Variants in VWF observed in about 807,000 individuals in gnomAD.
The protein encoded by VWF is von Willebrand factor, also known as Factor VIII related antigen.
Under a neutral mutation model 308.6 loss-of-function variants are expected in VWF, and 176 were observed. That is an observed-to-expected ratio of 0.57 (90% CI 0.50 to 0.65). The LOEUF is 0.65. Ranked by LOEUF, VWF falls within the 30% of genes least tolerant of loss-of-function variation. The pLI, the probability that VWF is intolerant of heterozygous loss-of-function variation, is 0.00. For missense variants in VWF, 3,146 were observed against 3,648.2 expected (o/e 0.86, Z 3.55); for synonymous variants, 1,385 against 1,443.4 (o/e 0.96, Z 0.92).
intron 34 of VWF, among the ~76,000 whole-genome samples, chr12:5,996,809 T>TC (rs1169180689): frequency 6.7e-6 from 1 of 149,626 alleles, no homozygotes; most frequent in Non-Finnish European, 1.5e-5. Flanking sequence ...TGACCCTGAG[T>TC]CATTCACATA....
intron 37 of VWF, among the ~76,000 whole-genome samples, chr12:5,992,867 A>T (rs934682162): frequency 6.6e-6 from 1 of 152,246 alleles, no homozygotes; most frequent in African/African-American, 2.4e-5. Context: ...ATGCAGAGAA[A>T]GTGCTTCCAG....
intron 45 of VWF, among the ~76,000 whole-genome samples, chr12:5,968,535 C>T (rs1277789569): frequency 6.6e-6 from 1 of 152,192 alleles, no homozygotes; most frequent in Non-Finnish European, 1.5e-5. Flanking sequence ...GTGGCTCATG[C>T]CTGTAATCCC....
At chr12:6,107,394 T>C (rs1446890679) in intron 5 of VWF, among the ~76,000 whole-genome samples, 1 of 152,204 alleles carries the variant, frequency 6.6e-6, no homozygotes, top group African/African-American at 2.4e-5. Flanking sequence ...AAAGGGTGAA[T>C]TTTACTGTCT....
chr12:5,981,157 T>C lies in VWF; in HGVS notation c.7287+629A>G, dbSNP rs577217362. On this transcript the variant is annotated intron_variant, in intron 42 of 51. Coordinates refer to ENST00000261405, the MANE Select transcript of VWF (RefSeq NM_000552.5). ...GAACATAGTAGTTGCTTAGTAAATATTGGATGGGCAGATGGATGGATGAAT... is the reference window on the plus strand; with the variant it reads ...GAACATAGTAGTTGCTTAGTAAATACTGGATGGGCAGATGGATGGATGAAT... Among the ~76,000 whole-genome samples the C allele has an allele frequency of 4.6e-5, 7 of 152,312 alleles. No homozygotes were observed. The East Asian group carries it at 9.6e-4, about 21-fold the overall frequency.
intron 10 of VWF, among the ~76,000 whole-genome samples, chr12:6,068,974 A>G (rs1297427010): frequency 6.6e-6 from 1 of 151,356 alleles, no homozygotes; most frequent in African/African-American, 2.4e-5. Context: ...CCCCCATCTC[A>G]GCCTCCCAAG....
At chr12:5,957,521 T>C (rs548315559) in intron 47 of VWF, among the ~76,000 whole-genome samples, 29 of 151,954 alleles carry the variant, frequency 1.9e-4, no homozygotes, top group African/African-American at 6.8e-4. Context: ...AAGCATCCAA[T>C]AGAAGGGGGG....
At chr12:6,115,144 C>A (rs1475039162) in intron 3 of VWF, among the ~76,000 whole-genome samples, 1 of 152,174 alleles carries the variant, frequency 6.6e-6, no homozygotes, top group Non-Finnish European at 1.5e-5. Flanking sequence ...TCAAGCAATC[C>A]TATTGTCACA....
chr12:6,062,594 G>A (rs895086174), intron 13 of VWF, among the ~76,000 whole-genome samples: 7 of 152,042 alleles, frequency 4.6e-5, no homozygotes, highest in Admixed American at 4.6e-4. Context: ...TGCCAATCTG[G>A]CTCTTCCCTT....
At chr12:6,073,582 G>C (rs1398332718) in intron 8 of VWF, 37 bp downstream of exon 8, 1 of 1,613,354 alleles carries the variant, frequency 6.2e-7, no homozygotes, top group Non-Finnish European at 8.5e-7. Context: ...GTGCTGGCAA[G>C]GTCTCTGATC....
chr12:6,090,158 C>T (rs1182089717), intron 6 of VWF, among the ~76,000 whole-genome samples: 3 of 152,094 alleles, frequency 2.0e-5, no homozygotes, highest in Non-Finnish European at 2.9e-5. Context: ...GGGGTTTCAC[C>T]ATGTTAGCCA....
Position 6,057,855 on chromosome 12 carries a change from G to C in VWF, c.1723C>G (p.Arg575Gly), listed in dbSNP as rs768503443. 1.9e-6 allele frequency: 3 copies of C among 1,607,198 alleles called. No individual in the cohort carries two copies. The highest frequency in any genetic ancestry group is 1.7e-6 in the Non-Finnish European group (2 of 1,176,624). ...TGCCCCCGGGTTCACATACTCATGC[G>C]CGGGTTGAGGGCGCAGGGATCGCTG... ...QHSDPCALNPRMTRFSEEACA... is the reference protein window; with the variant it reads ...QHSDPCALNPGMTRFSEEACA... Residue 575 changes from arginine (R) to glycine (G), a missense_variant, in exon 14 of 52, where the codon CGC becomes GGC. By Grantham distance (125) the Arg-to-Gly change is moderately radical (BLOSUM62 -2). Transcript: ENST00000261405.
At chr12:5,958,380 G>T (rs1483534312) in intron 47 of VWF, among the ~76,000 whole-genome samples, 1 of 152,134 alleles carries the variant, frequency 6.6e-6, no homozygotes, top group Non-Finnish European at 1.5e-5. Flanking sequence ...TAAGAAAGTT[G>T]ATATAGGTGT....
chr12:6,075,239 A>G lies in VWF; in HGVS notation c.874+96T>C, dbSNP rs1034975044. ...GGCTGGCTGGGTGTGGTAAAGCCGC[A>G]CATACGTGACACAGCCCCGAAGCAC... On this transcript the variant is annotated intron_variant, in intron 7 of 51. Coordinates refer to ENST00000261405, the MANE Select transcript of VWF (RefSeq NM_000552.5). The surrounding 1 kb of genome is among the most constrained non-coding windows in gnomAD (Gnocchi z 4.7). The G allele has an allele frequency of 3.3e-6, 5 of 1,493,394 alleles. No homozygotes were observed. The highest frequency in any genetic ancestry group is 2.3e-5 in the South Asian group (2 of 87,188). The allele number at this position is 1,493,394 out of a possible 1,614,324, so 92.5% of individuals were successfully genotyped here. A position where few individuals can be genotyped will look rare whatever the true frequency, so the allele number is the denominator to read the frequency against.
At position 6,029,348 on chromosome 12, in the gene VWF, T is replaced by A. The variant is rs1226233003; in HGVS notation, c.2961A>T (p.Thr987=). The change falls in exon 22 of 52, where the codon ACA becomes ACT. Residue 987 remains threonine (T), a synonymous_variant. Transcript: ENST00000261405. Reference sequence around the variant, plus strand: ...AAGCAAGAAAGCCACTGACCTGGTATGTCTGCTTCAGGACCACGGAGATGC... The same window carrying A: ...AAGCAAGAAAGCCACTGACCTGGTAAGTCTGCTTCAGGACCACGGAGATGC... ...HLSISVVLKQ[T]YQEKVCGLCG... The A allele has an allele frequency of 6.2e-7, 1 of 1,613,990 alleles. No individual in the cohort carries two copies. The highest frequency in any genetic ancestry group is 1.3e-5 in the African/African-American group (1 of 74,904).
Position 6,075,502 on chromosome 12 carries a change from C to T in VWF, c.707G>A (p.Arg236His), listed in dbSNP as rs780485557. ...QLLKSTSVFA[R>H]CHPLVDPEPF... The stretch of plus-strand genomic sequence containing the variant: ...CTCGGGGTCCACCAGAGGGTGGCAG[C>T]GGGCAAACACCGAGGTGCTCTTCAG... Residue 236 changes from arginine (R) to histidine (H), a missense_variant, in exon 7 of 52, where the codon CGC becomes CAC. Around this residue, in one of 3 missense-constraint regions of VWF, gnomAD observed 1,304 missense variants for 1,353.0 expected, o/e 0.96. Coordinates refer to ENST00000261405, the MANE Select transcript of VWF (RefSeq NM_000552.5). The surrounding 1 kb of genome is among the most constrained non-coding windows in gnomAD (Gnocchi z 4.7). The T allele has an allele frequency of 1.5e-5, 24 of 1,614,082 alleles. No individual in the cohort carries two copies. Among genetic ancestry groups the T allele is most frequent in the African/African-American group, 6.7e-5 (5 of 74,936 alleles).
chr12:6,032,467 G>GAT (rs1944277426), intron 20 of VWF, among the ~76,000 whole-genome samples: 1 of 142,700 alleles, frequency 7.0e-6, no homozygotes, highest in Non-Finnish European at 1.6e-5. Context: ...GTGAAACCCC[G>GAT]TCTCTACTAA....
At chr12:6,066,083 C>A (rs1370782564) in intron 10 of VWF, among the ~76,000 whole-genome samples, 5 of 152,226 alleles carry the variant, frequency 3.3e-5, no homozygotes, top group Non-Finnish European at 5.9e-5. Context: ...TCCCCTTCAT[C>A]ACCCTGCAAC....
chr12:6,044,039 T>C (rs1392038918), intron 18 of VWF, among the ~76,000 whole-genome samples: 1 of 152,184 alleles, frequency 6.6e-6, no homozygotes, highest in Non-Finnish European at 1.5e-5. Context: ...TCCTGTAAGC[T>C]AAGTTCTTAT....
At chr12:5,990,121 G>A (rs1434171361) in intron 38 of VWF, among the ~76,000 whole-genome samples, 1 of 152,128 alleles carries the variant, frequency 6.6e-6, no homozygotes, top group Non-Finnish European at 1.5e-5. Flanking sequence ...GATCCACTAG[G>A]ACAAAGCCCA....
Sources: gnomAD v4.1 joint callset for allele counts (sites outside exome capture counted in the v4.1 genomes callset) on GRCh38, gnomAD v4.1.1 for gene constraint, gnomAD v4.1.1 regional missense constraint, Gnocchi (gnomAD v3.1) non-coding constraint, MANE v1.5 for transcripts, NCBI Gene and HGNC (gene_info 2026-07-23, HGNC 2026-07-21) for gene names.